Variants in MNAT1 observed in about 807,000 individuals in gnomAD.
MNAT1 encodes the protein CDK-activating kinase assembly factor MAT1.
Under a neutral mutation model 42.0 loss-of-function variants are expected in MNAT1, and 43 were observed. The observed-to-expected ratio is 1.02, with a 90% CI of 0.80 to 1.32. The LOEUF (loss-of-function observed/expected upper bound fraction) is 1.32, where lower values mean the gene tolerates loss of function less well. Among genes scored for constraint, MNAT1 ranks in the 40% most tolerant of loss-of-function variants. MNAT1 has a pLI of 0.00. For missense variants in MNAT1, 306 were observed against 350.4 expected, an observed-to-expected ratio of 0.87 and a Z score of 1.01; for synonymous variants, 118 against 120.0, an observed-to-expected ratio of 0.98 and a Z score of 0.11.
At chr14:60,764,602 T>G (rs1272928710) in intron 1 of MNAT1, among the ~76,000 whole-genome samples, 1 of 152,096 alleles carries the variant, frequency 6.6e-6, no homozygotes, top group African/African-American at 2.4e-5. Flanking sequence ...TTGAGAGGAT[T>G]TGGTGATTCT....
intron 1 of MNAT1, among the ~76,000 whole-genome samples, chr14:60,750,529 CTTTTTTTTTTT>C (rs775053270): frequency 9.9e-5 from 9 of 90,678 alleles, no homozygotes; most frequent in African/African-American, 3.4e-4. Flanking sequence ...TGCGCCCAGC[CTTTTTTTTTTT>C]TTTTTTTTTT....
intron 7 of MNAT1, among the ~76,000 whole-genome samples, chr14:60,881,958 G>T (rs542622352): frequency 6.6e-6 from 1 of 152,192 alleles, no homozygotes; most frequent in South Asian, 2.1e-4. Flanking sequence ...TCAGGAGTTT[G>T]AGGCAAGCCT....
intron 7 of MNAT1, among the ~76,000 whole-genome samples, chr14:60,965,984 A>T (rs1474447738): frequency 6.6e-6 from 1 of 152,170 alleles, no homozygotes; most frequent in Non-Finnish European, 1.5e-5. Flanking sequence ...TTCATTTCTC[A>T]TGCATCAGAA....
chr14:60,862,847 G>A (rs750725007), intron 6 of MNAT1, among the ~76,000 whole-genome samples: 32 of 152,084 alleles, frequency 2.1e-4, no homozygotes, highest in Non-Finnish European at 3.4e-4. Flanking sequence ...ATTTGGAAGC[G>A]TTGACTATTT....
chr14:60,951,494 T>C (rs184507062), intron 7 of MNAT1, among the ~76,000 whole-genome samples: 1 of 152,244 alleles, frequency 6.6e-6, no homozygotes, highest in Non-Finnish European at 1.5e-5. Context: ...GTTTACTATT[T>C]TCTGTCCTTC....
intron 1 of MNAT1, among the ~76,000 whole-genome samples, chr14:60,751,259 A>G (rs1269011593): frequency 6.6e-6 from 1 of 152,154 alleles, no homozygotes; most frequent in African/African-American, 2.4e-5. Context: ...CCTGTTGACT[A>G]AATACATTTT....
chr14:60,759,966 T>C (rs568082397), intron 1 of MNAT1, among the ~76,000 whole-genome samples: 71 of 152,326 alleles, frequency 4.7e-4, no homozygotes, highest in South Asian at 1.0e-3. Flanking sequence ...AATATGGAAG[T>C]AGGTCTTCTG....
chr14:60,801,946 A>G (rs916869777), intron 3 of MNAT1, among the ~76,000 whole-genome samples: 22 of 152,246 alleles, frequency 1.4e-4, no homozygotes, highest in Non-Finnish European at 1.0e-4. Context: ...CAGCCTTAAA[A>G]AAGAAGGTAA....
intron 7 of MNAT1, among the ~76,000 whole-genome samples, chr14:60,898,159 T>A (rs1197313540): frequency 6.6e-6 from 1 of 151,176 alleles, no homozygotes; most frequent in Non-Finnish European, 1.5e-5. Flanking sequence ...CACATTTTTT[T>A]AATCCATTTG....
chr14:60,744,693 G>C (rs753789743), intron 1 of MNAT1, among the ~76,000 whole-genome samples: 6 of 152,118 alleles, frequency 3.9e-5, no homozygotes, highest in Non-Finnish European at 8.8e-5. Context: ...CCTTACTTTA[G>C]TGTAACTCAA....
chr14:60,935,352 C>T (rs1212139910), intron 7 of MNAT1, among the ~76,000 whole-genome samples: 1 of 132,384 alleles, frequency 7.6e-6, no homozygotes, highest in South Asian at 2.7e-4. Flanking sequence ...TCTTCTTTCT[C>T]TCTTTCTTAG....
chr14:60,834,292 T>C (rs1364096446), intron 6 of MNAT1, among the ~76,000 whole-genome samples: 2 of 150,800 alleles, frequency 1.3e-5, no homozygotes, highest in African/African-American at 4.8e-5. Context: ...GTTTCCCACT[T>C]CGTACTGCCA....
chr14:60,889,253 T>C (rs1422265793), intron 7 of MNAT1, among the ~76,000 whole-genome samples: 1 of 152,062 alleles, frequency 6.6e-6, no homozygotes, highest in Non-Finnish European at 1.5e-5. Flanking sequence ...AAAACAGAGA[T>C]ATAGATCAAT....
intron 7 of MNAT1, among the ~76,000 whole-genome samples, chr14:60,885,193 CCTT>C (rs1441753713): frequency 6.6e-6 from 1 of 151,620 alleles, no homozygotes; most frequent in African/African-American, 2.4e-5. Flanking sequence ...TGTTCTGTAA[CCTT>C]CTTGTACTTG....
intron 1 of MNAT1, among the ~76,000 whole-genome samples, chr14:60,761,079 A>G (rs902503603): frequency 6.6e-5 from 10 of 152,206 alleles, no homozygotes; most frequent in Admixed American, 2.0e-4. Context: ...ATGTATTAAT[A>G]TGTAATGTGT....
intron 3 of MNAT1, among the ~76,000 whole-genome samples, chr14:60,803,172 T>C (rs2032263817): frequency 6.6e-6 from 1 of 152,036 alleles, no homozygotes; most frequent in Non-Finnish European, 1.5e-5. Context: ...CCTGACCTTG[T>C]GATCCACCCA....
intron 6 of MNAT1, among the ~76,000 whole-genome samples, chr14:60,855,727 C>G (rs936328643): frequency 3.3e-5 from 5 of 152,154 alleles, no homozygotes; most frequent in African/African-American, 1.2e-4. Flanking sequence ...CTGAGAGATG[C>G]AGACTGTAGC....
At chr14:60,749,870 C>T (rs952078265) in intron 1 of MNAT1, among the ~76,000 whole-genome samples, 3 of 151,996 alleles carry the variant, frequency 2.0e-5, no homozygotes, top group Admixed American at 6.6e-5. Context: ...AGCCTATTTT[C>T]CAAGAAAAAA....
Position 60,818,720 on chromosome 14 carries a change from AG to A in MNAT1, c.562del. 1 of 1,593,494 alleles carries A rather than the reference AG, an allele frequency of 6.3e-7. No homozygotes were observed. Among genetic ancestry groups the A allele is most frequent in the Non-Finnish European group, 8.5e-7 (1 of 1,169,594 alleles). ...CTTATTGAACTTGAACTATTCTTACAGGAGAGTTCTGATCTCCCTGTTGCTC... is the reference window on the plus strand; with the variant it reads ...CTTATTGAACTTGAACTATTCTTACAGAGAGTTCTGATCTCCCTGTTGCTC... On this transcript the variant is annotated splice_acceptor_variant, in intron 5 of 7. Transcript: ENST00000261245. LOFTEE classifies it high-confidence loss of function.
Sources: allele counts gnomAD v4.1 joint callset (sites outside exome capture counted in the v4.1 genomes callset), GRCh38; gene constraint gnomAD v4.1.1; transcripts MANE v1.5; gene names NCBI Gene and HGNC (gene_info 2026-07-23, HGNC 2026-07-21).